USP48: variants seen among roughly 807,000 people sequenced by gnomAD.
USP48 encodes the protein ubiquitin specific peptidase 48, also known as ubiquitin carboxyl-terminal hydrolase 48.
A neutral mutation model predicts 150.7 loss-of-function variants in USP48; 43 were observed. That is an observed-to-expected ratio of 0.29 (90% CI 0.22 to 0.37). The LOEUF is 0.37. USP48 is among the 10% of genes least tolerant of loss of function. The pLI, the probability that USP48 is intolerant of heterozygous loss-of-function variation, is 1.00. For missense variants in USP48, 813 were observed against 1,249.6 expected, an observed-to-expected ratio of 0.65 and a Z score of 5.27; for synonymous variants, 396 against 425.9, an observed-to-expected ratio of 0.93 and a Z score of 0.86.
chr1:21,756,549 T>C lies in USP48; in HGVS notation c.409A>G (p.Lys137Glu), dbSNP rs367960469. ...YMLGDGIQEE[K>E]DYEPQTICEH... ...TCCCCCACCCCTTTCCACCCACCTTTTTCTTCTTGGATGCCGTCTCCCAGC... is the reference window on the plus strand; with the variant it reads ...TCCCCCACCCCTTTCCACCCACCTTCTTCTTCTTGGATGCCGTCTCCCAGC... The change falls in exon 3 of 27, where the codon AAA (lysine) becomes GAA (glutamate). Residue 137 changes from lysine to glutamate, a missense_variant. Physicochemically the swap from Lys to Glu is moderately conservative, Grantham distance 56. Transcript: ENST00000308271. 52 of 1,580,030 alleles carry C rather than the reference T, an allele frequency of 3.3e-5. No individual in the cohort carries two copies. The highest frequency in any genetic ancestry group is 4.4e-5 in the Non-Finnish European group (51 of 1,169,728).
intron 1 of USP48, 148 bp from the exon 2 acceptor site, chr1:21,757,931 G>A (rs1183727839): frequency 2.9e-6 from 3 of 1,037,642 alleles, no homozygotes; most frequent in African/African-American, 1.6e-5. Flanking sequence ...AGGGTGTGGA[G>A]AAGAAAGCAT....
intron 1 of USP48, among the ~76,000 whole-genome samples, chr1:21,760,779 T>C (rs1191727095): frequency 1.3e-5 from 2 of 148,716 alleles, no homozygotes; most frequent in East Asian, 4.1e-4. Flanking sequence ...TGTTGTGATA[T>C]ATAACGATAT....
intron 26 of USP48, among the ~76,000 whole-genome samples, chr1:21,679,664 C>T (rs568293847): frequency 5.9e-5 from 9 of 152,348 alleles, no homozygotes; most frequent in African/African-American, 2.2e-4. Flanking sequence ...TATCTTCACA[C>T]AAACTAACCA....
At chr1:21,774,990 A>AAAATAAATAAAT (rs147019343) in intron 1 of USP48, among the ~76,000 whole-genome samples, 10 of 146,046 alleles carry the variant, frequency 6.8e-5, no homozygotes, top group Admixed American at 1.4e-4. Flanking sequence ...GACTCTCTCA[A>AAAATAAATAAAT]AAATAAATAA....
intron 1 of USP48, among the ~76,000 whole-genome samples, chr1:21,762,409 G>A (rs2097852017): frequency 6.6e-6 from 1 of 152,204 alleles, no homozygotes; most frequent in Admixed American, 6.5e-5. Flanking sequence ...CTCTCCCAAA[G>A]GTCTTTGGCA....
rs933542975 is a variant in USP48 at position 21,678,651 on chromosome 1, A to G, written c.*766T>C. ...TGCCAGGTACATTTCCCACTTTTGA[A>G]TAACAGCAAAACCGGAAGAGGATGC... On this transcript the variant is annotated 3_prime_UTR_variant, in exon 27 of 27. Coordinates refer to ENST00000308271, the MANE Select transcript of USP48 (RefSeq NM_032236.8). 2.6e-5 allele frequency: 4 copies of G among 152,238 alleles called. No individual in the cohort carries two copies. Among genetic ancestry groups the G allele is most frequent in the African/African-American group, 4.8e-5 (2 of 41,452 alleles). 9.4% of individuals were successfully genotyped at this position (152,238 alleles called of 1,614,324 possible).
chr1:21,770,348 G>A (rs1461637914), intron 1 of USP48, among the ~76,000 whole-genome samples: 1 of 151,760 alleles, frequency 6.6e-6, no homozygotes. Flanking sequence ...TTCCCTTCAA[G>A]GAAAAGAGGC....
At chr1:21,768,756 C>T (rs762416002) in intron 1 of USP48, among the ~76,000 whole-genome samples, 5 of 151,708 alleles carry the variant, frequency 3.3e-5, no homozygotes, top group Non-Finnish European at 7.4e-5. Flanking sequence ...ACCCACCACC[C>T]GTGTAGGCCA....
chr1:21,735,098 C>A (rs2097765827), intron 9 of USP48, among the ~76,000 whole-genome samples: 1 of 152,112 alleles, frequency 6.6e-6, no homozygotes, highest in Non-Finnish European at 1.5e-5. Flanking sequence ...AATTTCCTGA[C>A]CCAAGGAAAA....
chr1:21,725,670 T>C (rs2097734874), intron 11 of USP48, among the ~76,000 whole-genome samples: 1 of 151,990 alleles, frequency 6.6e-6, no homozygotes, highest in Admixed American at 6.6e-5. Context: ...GGAGAATCAC[T>C]TGAACCCGGG....
rs2097680527 is a variant in USP48, at chr1:21,708,668, G to A, written c.1964-1800C>T. 9.2e-5 allele frequency among the ~76,000 whole-genome samples: 14 copies of A among 151,964 alleles called. No individual in the cohort carries two copies. The South Asian group carries it at 2.9e-3, about 32-fold the overall frequency. ...GGAGGCTGAGGTGAGTGGATCACAA[G>A]GTCAGGAGTTCAAGACCAGCTTGAC... On this transcript the variant is annotated intron_variant, in intron 15 of 26. Coordinates refer to ENST00000308271, the MANE Select transcript of USP48 (RefSeq NM_032236.8).
chr1:21,682,117 A>G (rs187039625), intron 25 of USP48, among the ~76,000 whole-genome samples: 1 of 152,224 alleles, frequency 6.6e-6, no homozygotes, highest in African/African-American at 2.4e-5. Flanking sequence ...ACATCCTCAC[A>G]CAGTATCATG....
intron 1 of USP48, among the ~76,000 whole-genome samples, chr1:21,765,157 C>T (rs761651470): frequency 1.3e-5 from 2 of 152,100 alleles, no homozygotes; most frequent in African/African-American, 2.4e-5. Flanking sequence ...TGCCATAGTA[C>T]GATAAGGAAT....
chr1:21,746,666 T>G (rs2097795217), intron 8 of USP48, among the ~76,000 whole-genome samples: 3 of 152,144 alleles, frequency 2.0e-5, no homozygotes. Context: ...ATACTGGAAT[T>G]ATGCCACCTA....
chr1:21,707,794 C>T (rs1440239655), intron 15 of USP48, among the ~76,000 whole-genome samples: 1 of 152,154 alleles, frequency 6.6e-6, no homozygotes, highest in African/African-American at 2.4e-5. Context: ...ACTACACTTT[C>T]CATAATAAAT....
intron 22 of USP48, among the ~76,000 whole-genome samples, chr1:21,697,317 G>GA (rs1005364246): frequency 4.3e-4 from 60 of 138,656 alleles, no homozygotes; most frequent in East Asian, 8.3e-4. Flanking sequence ...GAGTTAAAAA[G>GA]AAAAAAAAAA....
chr1:21,777,282 C>T (rs1270143865), intron 1 of USP48, among the ~76,000 whole-genome samples: 7 of 152,078 alleles, frequency 4.6e-5, no homozygotes. Flanking sequence ...AGAGCCAGAC[C>T]TTGTCTCATA....
chr1:21,706,178 C>T lies in USP48; in HGVS notation c.2221G>A (p.Val741Ile), dbSNP rs1262558318. 1.9e-6 allele frequency: 3 copies of T among 1,613,546 alleles called. No homozygotes were observed. Among genetic ancestry groups the T allele is most frequent in the Non-Finnish European group, 2.5e-6 (3 of 1,179,824 alleles). Residue 741 changes from valine (V) to isoleucine (I), a missense_variant, in exon 18 of 27, where the codon GTC (valine) becomes ATC (isoleucine). Physicochemically the swap from Val to Ile is conservative, Grantham distance 29. Transcript: ENST00000308271. ...AAGAACTGAGACACGATGTAGAGGA[C>T]ATCCGTATCCTAGAACACAAAAATC... ...CLSNWPEDTD[V>I]LYIVSQFFVE...
At chr1:21,707,050 A>C (rs1228549634) in intron 15 of USP48, 182 bp from the exon 16 acceptor site, 1 of 762,498 alleles carries the variant, frequency 1.3e-6, no homozygotes, top group Non-Finnish European at 2.0e-6. Context: ...TTTCATTTTA[A>C]TTCTAAAGGA....
Sources: gnomAD v4.1 joint callset for allele counts (sites outside exome capture counted in the v4.1 genomes callset) on GRCh38, gnomAD v4.1.1 for gene constraint, MANE v1.5 for transcripts, NCBI Gene and HGNC (gene_info 2026-07-23, HGNC 2026-07-21) for gene names.